MGAT4C: variants seen among roughly 807,000 people sequenced by gnomAD.
MGAT4C encodes the protein alpha-1,3-mannosyl-glycoprotein 4-beta-N-acetylglucosaminyltransferase C.
In MGAT4C, 19 loss-of-function variants were observed where a neutral mutation model predicts 40.1. That is an observed-to-expected ratio of 0.47 (90% CI 0.33 to 0.70). The LOEUF (loss-of-function observed/expected upper bound fraction) is 0.70, where lower values mean the gene tolerates loss of function less well. Among genes scored for constraint, MGAT4C ranks in the 30% least tolerant of loss-of-function variants. The pLI is 0.02. For missense variants in MGAT4C, 491 were observed against 563.2 expected (o/e 0.87, Z 1.30); for synonymous variants, 181 against 187.1 (o/e 0.97, Z 0.27).
intron 1 of MGAT4C, among the ~76,000 whole-genome samples, chr12:86,136,202 T>C (rs1881928156): frequency 6.6e-6 from 1 of 152,212 alleles, no homozygotes; most frequent in Admixed American, 6.5e-5. Flanking sequence ...TAAGAATTAT[T>C]GAGTCTTTTA....
At chr12:86,042,701 TA>T (rs199784514) in intron 2 of MGAT4C, among the ~76,000 whole-genome samples, 5,971 of 150,992 alleles carry the variant, frequency 0.04, 144 homozygotes, top group Middle Eastern at 0.068. Flanking sequence ...CCATCTCTAC[TA>T]AAAAAAATAC....
intron 3 of MGAT4C, among the ~76,000 whole-genome samples, chr12:86,354,808 T>G (rs1955269418): frequency 6.6e-6 from 1 of 152,198 alleles, no homozygotes; most frequent in South Asian, 2.1e-4. Flanking sequence ...GTGGTCTCAC[T>G]GACTTCAAGA....
At chr12:86,061,971 C>T (rs1894024873) in intron 1 of MGAT4C, among the ~76,000 whole-genome samples, 1 of 152,142 alleles carries the variant, frequency 6.6e-6, no homozygotes, top group African/African-American at 2.4e-5. Flanking sequence ...AACTTCCCTC[C>T]CTGACAGCTC....
chr12:86,116,059 C>T (rs1433711867), intron 1 of MGAT4C, among the ~76,000 whole-genome samples: 1 of 151,796 alleles, frequency 6.6e-6, no homozygotes, highest in Non-Finnish European at 1.5e-5. Flanking sequence ...AAGAACATCC[C>T]CGAGAAATGA....
chr12:86,622,013 G>C (rs780702331), intron 2 of MGAT4C, among the ~76,000 whole-genome samples: 43 of 152,144 alleles, frequency 2.8e-4, no homozygotes, highest in Non-Finnish European at 2.2e-4. Context: ...GTGTTGCCAT[G>C]TGATTTTACT....
At chr12:86,219,774 G>C (rs190005169) in intron 1 of MGAT4C, among the ~76,000 whole-genome samples, 1 of 152,138 alleles carries the variant, frequency 6.6e-6, no homozygotes, top group African/African-American at 2.4e-5. Context: ...ATTCACTCCT[G>C]CCGGAAAACA....
intron 1 of MGAT4C, among the ~76,000 whole-genome samples, chr12:86,740,369 GA>G: frequency 6.6e-6 from 1 of 151,040 alleles, no homozygotes; most frequent in South Asian, 2.1e-4. Context: ...TTGTTCAGTA[GA>G]AAATTTTAAA....
At chr12:86,645,012 G>A (rs1211455217) in intron 2 of MGAT4C, among the ~76,000 whole-genome samples, 3 of 151,458 alleles carry the variant, frequency 2.0e-5, no homozygotes, top group Non-Finnish European at 4.4e-5. Context: ...CCATGCAAAT[G>A]TTATTTAAAA....
At chr12:86,462,296 C>G (rs1275866461) in intron 2 of MGAT4C, among the ~76,000 whole-genome samples, 1 of 152,068 alleles carries the variant, frequency 6.6e-6, no homozygotes, top group Non-Finnish European at 1.5e-5. Flanking sequence ...GTAGTAATTC[C>G]TTTAACAAAT....
intron 2 of MGAT4C, among the ~76,000 whole-genome samples, chr12:86,581,536 C>T (rs908875664): frequency 6.6e-6 from 1 of 151,428 alleles, no homozygotes; most frequent in Non-Finnish European, 1.5e-5. Flanking sequence ...TGCTTCTCCA[C>T]TTAGTGCTAA....
At chr12:86,609,504 A>C (rs1962169160) in intron 2 of MGAT4C, among the ~76,000 whole-genome samples, 1 of 152,164 alleles carries the variant, frequency 6.6e-6, no homozygotes, top group Non-Finnish European at 1.5e-5. Flanking sequence ...ATTGTAGATC[A>C]GATAGGGTTA....
intron 2 of MGAT4C, among the ~76,000 whole-genome samples, chr12:86,666,913 A>G (rs1352642800): frequency 2.0e-5 from 3 of 152,186 alleles, no homozygotes; most frequent in Non-Finnish European, 4.4e-5. Flanking sequence ...TTACTTTTAT[A>G]GTACTGAAGC....
At chr12:86,672,405 GAAT>G (rs1363687004) in intron 2 of MGAT4C, among the ~76,000 whole-genome samples, 4 of 151,932 alleles carry the variant, frequency 2.6e-5, no homozygotes, top group African/African-American at 9.6e-5. Flanking sequence ...AAAATTAGTA[GAAT>G]AAAAGAATTA....
rs1883976965 is a variant in MGAT4C at position 85,976,289 on chromosome 12, CAA to C, written c.*2998_*2999del. The C allele has an allele frequency of 6.6e-6, 1 of 150,890 alleles. No homozygotes were observed. The highest frequency in any genetic ancestry group is 6.6e-5 in the Admixed American group (1 of 15,098). 9.3% of individuals were successfully genotyped at this position (150,890 alleles called of 1,614,324 possible). On this transcript the variant is annotated 3_prime_UTR_variant, in exon 5 of 5. Coordinates refer to ENST00000611864, the MANE Select transcript of MGAT4C (RefSeq NM_001351288.2). ...GAAAATATCTACTTTATAAATAGCA[CAA>C]AGTTATAGTTTTCAATGAATATGAA...
intron 2 of MGAT4C, among the ~76,000 whole-genome samples, chr12:86,461,270 G>T (rs990722041): frequency 6.2e-5 from 8 of 129,482 alleles, no homozygotes; most frequent in Non-Finnish European, 1.1e-4. Flanking sequence ...ACGGAGTCTC[G>T]CTCTGTCGCC....
At position 85,983,509 on chromosome 12, in the gene MGAT4C, T is replaced by C. The variant is rs1238737047; in HGVS notation, c.295+14A>G. 1 of 1,528,492 alleles carries C rather than the reference T, an allele frequency of 6.5e-7. No individual in the cohort carries two copies. The highest frequency in any genetic ancestry group is 8.8e-7 in the Non-Finnish European group (1 of 1,141,608). 94.7% of individuals were successfully genotyped at this position (1,528,492 alleles called of 1,614,324 possible). On this transcript the variant is annotated intron_variant, in intron 4 of 4. Transcript: ENST00000611864. ...TTTTATGTATTCTTTATTTAAATGT[T>C]TAAGGATACTTACGCTTTCTTTGTA...
intron 2 of MGAT4C, among the ~76,000 whole-genome samples, chr12:86,000,327 T>C (rs1592652411): frequency 1.3e-5 from 2 of 151,958 alleles, no homozygotes; most frequent in Admixed American, 1.3e-4. Context: ...AAATATATAT[T>C]CCTCTAGCCA....
At chr12:86,416,026 C>T (rs190249419) in intron 3 of MGAT4C, among the ~76,000 whole-genome samples, 1 of 151,992 alleles carries the variant, frequency 6.6e-6, no homozygotes, top group African/African-American at 2.4e-5. Flanking sequence ...GGAAAATAGG[C>T]TTATATAAAA....
intron 2 of MGAT4C, among the ~76,000 whole-genome samples, chr12:86,441,569 T>C (rs1003961712): frequency 1.4e-5 from 2 of 144,858 alleles, no homozygotes; most frequent in African/African-American, 2.6e-5. Context: ...CATTGTTCAA[T>C]TCACACCTAT....
Sources: allele counts gnomAD v4.1 joint callset (sites outside exome capture counted in the v4.1 genomes callset), GRCh38; gene constraint gnomAD v4.1.1; transcripts MANE v1.5; gene names NCBI Gene and HGNC (gene_info 2026-07-23, HGNC 2026-07-21).